TMEM45A: variants seen among roughly 807,000 people sequenced by gnomAD.
The protein encoded by TMEM45A is DNA polymerase-transactivated protein 4.
Under a neutral mutation model 32.0 loss-of-function variants are expected in TMEM45A, and 25 were observed. The observed-to-expected ratio is 0.78, with a 90% CI of 0.57 to 1.09. The LOEUF (loss-of-function observed/expected upper bound fraction) is 1.09. Ranked by LOEUF, TMEM45A falls within the 50% of genes least tolerant of loss-of-function variation. TMEM45A has a pLI of 0.00. For missense variants in TMEM45A, 302 were observed against 325.0 expected, an observed-to-expected ratio of 0.93 and a Z score of 0.54; for synonymous variants, 122 against 114.8, an observed-to-expected ratio of 1.06 and a Z score of -0.40.
intron 1 of TMEM45A, among the ~76,000 whole-genome samples, chr3:100,512,595 G>T (rs1398708478): frequency 6.6e-6 from 1 of 151,968 alleles, no homozygotes; most frequent in Non-Finnish European, 1.5e-5. Context: ...ACATTCAAAA[G>T]CTAGCAGAAG....
rs910615928 is a variant in TMEM45A, at chr3:100,551,229, G to A, written c.-3-3980G>A. ...GGGGTTTCGCCGTGTCAGCCAGGAT[G>A]GTCTCGATCTCCTGACCTCGTGATC... On this transcript the variant is annotated intron_variant, in intron 1 of 5. Coordinates refer to ENST00000323523, the MANE Select transcript of TMEM45A (RefSeq NM_018004.3). Among the ~76,000 whole-genome samples the A allele has an allele frequency of 3.9e-5, 6 of 152,178 alleles. No individual in the cohort carries two copies. In the East Asian group the frequency reaches 5.8e-4, roughly 15 times the overall value.
intron 1 of TMEM45A, among the ~76,000 whole-genome samples, chr3:100,548,582 A>G (rs1576283725): frequency 1.3e-5 from 2 of 152,208 alleles, no homozygotes; most frequent in African/African-American, 2.4e-5. Context: ...CTCCTCCATC[A>G]GGCACCTTCT....
Position 100,525,945 on chromosome 3 carries a change from C to G in TMEM45A, c.-3-29264C>G, listed in dbSNP as rs545197391. Among the ~76,000 whole-genome samples, 3 of 152,322 alleles carry G rather than the reference C, an allele frequency of 2.0e-5. No homozygotes were observed. In the South Asian group the frequency reaches 6.2e-4, roughly 32 times the overall value. On this transcript the variant is annotated intron_variant, in intron 1 of 5. Transcript: ENST00000323523. ...TGCCCTTGGAGGTCCCTGGGCTGGTCTGTTCTTCCTTCATGGTGGGTAGTG... is the reference window on the plus strand; with the variant it reads ...TGCCCTTGGAGGTCCCTGGGCTGGTGTGTTCTTCCTTCATGGTGGGTAGTG...
chr3:100,498,533 A>G (rs556312520), intron 1 of TMEM45A, among the ~76,000 whole-genome samples: 88 of 152,104 alleles, frequency 5.8e-4, no homozygotes, highest in Non-Finnish European at 1.2e-3. Context: ...AGCCTTCACA[A>G]TTGTGTGAAC....
At chr3:100,544,547 C>A (rs1229536836) in intron 1 of TMEM45A, among the ~76,000 whole-genome samples, 1 of 152,110 alleles carries the variant, frequency 6.6e-6, no homozygotes, top group East Asian at 1.9e-4. Context: ...TGGAGGCAAC[C>A]ACTGATCTGC....
chr3:100,510,441 A>G (rs1187386582), intron 1 of TMEM45A, among the ~76,000 whole-genome samples: 2 of 152,224 alleles, frequency 1.3e-5, no homozygotes, highest in Non-Finnish European at 2.9e-5. Context: ...ACAAACAGAA[A>G]AGACATCCAC....
intron 4 of TMEM45A, among the ~76,000 whole-genome samples, chr3:100,563,209 A>G (rs80152069): frequency 1.9e-4 from 29 of 152,292 alleles, no homozygotes; most frequent in Non-Finnish European, 3.4e-4. Context: ...TATTATCACA[A>G]GATATTCTTC....
At chr3:100,505,985 GGAGA>G (rs1708074238) in intron 1 of TMEM45A, among the ~76,000 whole-genome samples, 1 of 152,174 alleles carries the variant, frequency 6.6e-6, no homozygotes, top group Non-Finnish European at 1.5e-5. Context: ...AGAGCTGCAT[GGAGA>G]GAGAGGACCC....
chr3:100,540,299 A>G (rs1255017415), intron 1 of TMEM45A, among the ~76,000 whole-genome samples: 1 of 152,200 alleles, frequency 6.6e-6, no homozygotes, highest in Non-Finnish European at 1.5e-5. Context: ...CAAAACATAA[A>G]TCTGATAAAA....
At chr3:100,522,760 G>C (rs1705459900) in intron 1 of TMEM45A, among the ~76,000 whole-genome samples, 1 of 152,174 alleles carries the variant, frequency 6.6e-6, no homozygotes, top group African/African-American at 2.4e-5. Flanking sequence ...GGGCACACAG[G>C]TATGCTACAG....
At chr3:100,555,153 G>A (rs918507083) in intron 1 of TMEM45A, 56 bp from the exon 2 acceptor site, 4 of 1,451,824 alleles carry the variant, frequency 2.8e-6, no homozygotes, top group Admixed American at 2.0e-5. Context: ...GTGATGTTTT[G>A]TCCAGATTCT....
chr3:100,574,258 C>G (rs1442293000), intron 5 of TMEM45A: 1 of 151,616 alleles, frequency 6.6e-6, no homozygotes, highest in Non-Finnish European at 1.5e-5. Flanking sequence ...GCTAGCAAGA[C>G]TAATAAAGAA....
At chr3:100,515,178 G>A (rs1453669131) in intron 1 of TMEM45A, among the ~76,000 whole-genome samples, 3 of 151,830 alleles carry the variant, frequency 2.0e-5, no homozygotes, top group Non-Finnish European at 4.4e-5. Flanking sequence ...ACATGCACAC[G>A]TATGTTTATT....
intron 4 of TMEM45A, among the ~76,000 whole-genome samples, chr3:100,562,437 C>T (rs1421003354): frequency 6.6e-6 from 1 of 152,190 alleles, no homozygotes; most frequent in African/African-American, 2.4e-5. Flanking sequence ...TCAGTGGCCT[C>T]AGTCAAATCT....
At chr3:100,519,737 G>T in intron 1 of TMEM45A, 1 of 968,128 alleles carries the variant, frequency 1.0e-6, no homozygotes. Flanking sequence ...GTAACTTATT[G>T]TGGGTTGTGG....
At chr3:100,493,720 T>G (rs1707883977) in intron 1 of TMEM45A, among the ~76,000 whole-genome samples, 1 of 152,028 alleles carries the variant, frequency 6.6e-6, no homozygotes, top group Non-Finnish European at 1.5e-5. Context: ...ATATATTTTG[T>G]TGTTGTTGTA....
In TMEM45A at chr3:100,556,977, G is replaced by A. The variant is rs1223549573; in HGVS notation, c.403+5G>A. On this transcript the variant is annotated splice_donor_5th_base_variant and intron_variant, in intron 3 of 5. Transcript: ENST00000323523. ...CAAATGCCTTATTTGTGGAGGGTAA[G>A]TGTTAGTGAGTATTTTCATGTACCT... is the stretch of plus-strand genomic sequence containing the variant. 1 of 1,613,630 alleles carries A rather than the reference G, an allele frequency of 6.2e-7. No homozygotes were observed. The highest frequency in any genetic ancestry group is 1.3e-5 in the African/African-American group (1 of 74,920).
chr3:100,515,160 A>C (rs1215399046), intron 1 of TMEM45A, among the ~76,000 whole-genome samples: 3 of 151,840 alleles, frequency 2.0e-5, no homozygotes, highest in African/African-American at 7.3e-5. Context: ...TCATGCTGCT[A>C]TAAAGACACA....
chr3:100,573,680 A>C (rs1311231263), intron 5 of TMEM45A: 2 of 152,142 alleles, frequency 1.3e-5, no homozygotes, highest in African/African-American at 4.8e-5. Context: ...GTCTTGTGCC[A>C]GTTTTCAAAG....
Sources: allele counts gnomAD v4.1 joint callset (sites outside exome capture counted in the v4.1 genomes callset), GRCh38; gene constraint gnomAD v4.1.1; transcripts MANE v1.5; gene names NCBI Gene and HGNC (gene_info 2026-07-23, HGNC 2026-07-21).